Variants in CDH13 observed in about 807,000 individuals in gnomAD.
The protein encoded by CDH13 is cadherin-13.
Under a neutral mutation model 63.8 loss-of-function variants are expected in CDH13, and 24 were observed. The observed-to-expected ratio is 0.38, with a 90% CI of 0.27 to 0.53. CDH13 has a LOEUF of 0.53. Ranked by LOEUF, CDH13 falls within the 20% of genes least tolerant of loss-of-function variation. The probability of loss-of-function intolerance (pLI) is 0.85; values close to 1 mark genes in which losing one functional copy is unlikely to be tolerated. For missense variants in CDH13, 1,049 were observed against 903.1 expected (o/e 1.16, Z -2.07); for synonymous variants, 503 against 355.3 (o/e 1.42, Z -4.67).
intron 1 of CDH13, among the ~76,000 whole-genome samples, chr16:82,669,710 C>G (rs779514412): frequency 2.6e-5 from 4 of 152,204 alleles, no homozygotes; most frequent in Non-Finnish European, 5.9e-5. Flanking sequence ...ACTGTGCCCT[C>G]TAGAATGTAG....
intron 2 of CDH13, among the ~76,000 whole-genome samples, chr16:82,931,678 G>A (rs2042498657): frequency 1.3e-5 from 2 of 152,150 alleles, no homozygotes; most frequent in Non-Finnish European, 2.9e-5. Context: ...AATCATGGCA[G>A]AAGGCAAAGG....
intron 4 of CDH13, among the ~76,000 whole-genome samples, chr16:83,136,612 G>T (rs1292721435): frequency 6.6e-6 from 1 of 152,180 alleles, no homozygotes; most frequent in African/African-American, 2.4e-5. Flanking sequence ...GGTCTGCCAG[G>T]GGAGAAACTG....
intron 6 of CDH13, among the ~76,000 whole-genome samples, chr16:83,460,765 G>A (rs939487989): frequency 6.6e-5 from 10 of 151,840 alleles, no homozygotes; most frequent in African/African-American, 1.9e-4. Flanking sequence ...AGGCCGAGGC[G>A]GGAGGATTGC....
intron 6 of CDH13, among the ~76,000 whole-genome samples, chr16:83,467,852 C>G (rs1041645776): frequency 6.6e-6 from 1 of 152,324 alleles, no homozygotes; most frequent in Admixed American, 6.5e-5. Context: ...GATGTGCACA[C>G]TGGTACTCAG....
Position 83,452,718 on chromosome 16 carries a change from T to C in CDH13, c.782-33759T>C, listed in dbSNP as rs182611878. On this transcript the variant is annotated intron_variant, in intron 6 of 13. Coordinates refer to ENST00000567109, the MANE Select transcript of CDH13 (RefSeq NM_001257.5). Reference sequence around the variant, plus strand: ...TAAACATCTAAAAATAGATGTACAATGCAGTGTGATGAGGAACAAGAGAAG... The same window carrying C: ...TAAACATCTAAAAATAGATGTACAACGCAGTGTGATGAGGAACAAGAGAAG... 7.2e-5 allele frequency among the ~76,000 whole-genome samples: 11 copies of C among 152,288 alleles called. No homozygotes were observed. In the East Asian group the frequency reaches 1.9e-3, roughly 27 times the overall value.
intron 2 of CDH13, among the ~76,000 whole-genome samples, chr16:83,001,013 A>G (rs2151422972): frequency 6.6e-6 from 1 of 152,278 alleles, no homozygotes. Context: ...ACTACCATTC[A>G]GATGTATCAC....
intron 6 of CDH13, among the ~76,000 whole-genome samples, chr16:83,442,982 T>G (rs376734007): frequency 3.9e-5 from 6 of 152,358 alleles, no homozygotes; most frequent in African/African-American, 1.4e-4. Context: ...GCTGAATTAT[T>G]TAGTGAGATT....
intron 4 of CDH13, among the ~76,000 whole-genome samples, chr16:83,204,727 C>CA (rs1235613981): frequency 6.6e-6 from 1 of 152,038 alleles, no homozygotes; most frequent in South Asian, 2.1e-4. Flanking sequence ...TTCAGTTGAT[C>CA]AAAAAAACAA....
At chr16:83,658,464 A>G (rs1170253898) in intron 8 of CDH13, among the ~76,000 whole-genome samples, 1 of 135,150 alleles carries the variant, frequency 7.4e-6, no homozygotes, top group South Asian at 2.5e-4. Flanking sequence ...GCAAGGTCCC[A>G]TGTCCTCACC....
rs530957623 is a variant in CDH13 at position 83,149,723 on chromosome 16, T to C, written c.483+24222T>C. ...AGCTCTTCATGACATCCTAGAGACA[T>C]CAAAGCATTGGAAGCACTGGGGTGC... On this transcript the variant is annotated intron_variant, in intron 4 of 13. Coordinates refer to ENST00000567109, the MANE Select transcript of CDH13 (RefSeq NM_001257.5). 2.0e-5 allele frequency among the ~76,000 whole-genome samples: 3 copies of C among 152,276 alleles called. No individual in the cohort carries two copies. In the South Asian group the frequency reaches 6.2e-4, roughly 32 times the overall value.
intron 3 of CDH13, among the ~76,000 whole-genome samples, chr16:83,063,676 A>C (rs1252282162): frequency 6.6e-6 from 1 of 152,234 alleles, no homozygotes; most frequent in Non-Finnish European, 1.5e-5. Flanking sequence ...ACAAATTAGC[A>C]CAAACTTTGT....
intron 4 of CDH13, among the ~76,000 whole-genome samples, chr16:83,137,112 A>G (rs1243288166): frequency 2.0e-5 from 3 of 152,196 alleles, no homozygotes; most frequent in Admixed American, 6.5e-5. Context: ...GAAGCCCTCC[A>G]TTGTGGAGAA....
chr16:83,186,395 C>A (rs1269497004), intron 4 of CDH13, among the ~76,000 whole-genome samples: 1 of 152,046 alleles, frequency 6.6e-6, no homozygotes, highest in Non-Finnish European at 1.5e-5. Flanking sequence ...CCTCGGCCTC[C>A]CAAAGTGCTG....
At chr16:83,259,225 T>C (rs1477910518) in intron 5 of CDH13, among the ~76,000 whole-genome samples, 1 of 152,206 alleles carries the variant, frequency 6.6e-6, no homozygotes, top group Admixed American at 6.5e-5. Context: ...TTTTCCTCTC[T>C]GAGCTTCAGT....
At chr16:83,597,970 A>G (rs1907430558) in intron 7 of CDH13, among the ~76,000 whole-genome samples, 1 of 152,186 alleles carries the variant, frequency 6.6e-6, no homozygotes, top group South Asian at 2.1e-4. Context: ...ACCTCTTTGG[A>G]GAAAGAGACT....
At chr16:83,532,747 T>C (rs923638297) in intron 7 of CDH13, among the ~76,000 whole-genome samples, 1 of 152,154 alleles carries the variant, frequency 6.6e-6, no homozygotes, top group East Asian at 1.9e-4. Flanking sequence ...GTCACGCTGG[T>C]CCGGACTTGA....
chr16:83,091,466 C>A (rs75913157), intron 3 of CDH13, among the ~76,000 whole-genome samples: 2,591 of 152,246 alleles, frequency 0.017, 74 homozygotes, highest in African/African-American at 0.059. Flanking sequence ...CATTTTATGT[C>A]TACAGAGAAA....
chr16:83,502,026 C>T (rs557763147), intron 7 of CDH13, among the ~76,000 whole-genome samples: 13 of 152,278 alleles, frequency 8.5e-5, no homozygotes, highest in African/African-American at 3.1e-4. Flanking sequence ...GGGCAAGTCA[C>T]CTCACCTACC....
chr16:83,002,613 A>G (rs1024726346), intron 2 of CDH13, among the ~76,000 whole-genome samples: 2 of 152,212 alleles, frequency 1.3e-5, no homozygotes, highest in Non-Finnish European at 2.9e-5. Context: ...AACAAATAAA[A>G]TGTATTCAAT....
Sources: allele counts gnomAD v4.1 joint callset (sites outside exome capture counted in the v4.1 genomes callset), GRCh38; gene constraint gnomAD v4.1.1; transcripts MANE v1.5; gene names NCBI Gene and HGNC (gene_info 2026-07-23, HGNC 2026-07-21).